The following LRRC4C variants were observed in gnomAD, a reference collection of about 807,000 sequenced individuals.
LRRC4C encodes leucine-rich repeat-containing protein 4C.
LRRC4C carries 5 observed loss-of-function variants against 33.6 expected under a neutral mutation model. The observed-to-expected ratio is 0.15, with a 90% confidence interval of 0.08 to 0.31. LRRC4C has a LOEUF of 0.31. Ranked by LOEUF, LRRC4C falls within the 10% of genes least tolerant of loss-of-function variation. The probability of loss-of-function intolerance (pLI) is 1.00; values close to 1 mark genes in which losing one functional copy is unlikely to be tolerated. For synonymous variants in LRRC4C, 329 were observed against 302.0 expected (o/e 1.09, Z -0.93); for missense variants, 560 against 796.7 (o/e 0.70, Z 3.58).
intron 1 of LRRC4C, among the ~76,000 whole-genome samples, chr11:40,979,700 T>C (rs186416789): frequency 1.2e-4 from 18 of 152,308 alleles, no homozygotes; most frequent in Admixed American, 1.2e-3. Flanking sequence ...AAATCAAAGA[T>C]AAACGAAAAT....
intron 6 of LRRC4C, among the ~76,000 whole-genome samples, chr11:40,121,945 C>T (rs1855856640): frequency 6.6e-6 from 1 of 152,154 alleles, no homozygotes; most frequent in East Asian, 1.9e-4. Flanking sequence ...TTCCAAACCA[C>T]ACCTTACCAT....
At chr11:40,226,635 T>C (rs188591867) in intron 5 of LRRC4C, among the ~76,000 whole-genome samples, 140 of 152,300 alleles carry the variant, frequency 9.2e-4, no homozygotes, top group Middle Eastern at 3.4e-3. Context: ...GAGGCCATCT[T>C]ACATGTTGCA....
intron 3 of LRRC4C, among the ~76,000 whole-genome samples, chr11:40,345,927 G>A (rs1359599346): frequency 6.6e-6 from 1 of 152,034 alleles, no homozygotes; most frequent in African/African-American, 2.4e-5. Context: ...ACATACATGA[G>A]GCCAATGAGC....
intron 2 of LRRC4C, among the ~76,000 whole-genome samples, chr11:40,752,282 A>G (rs760044397): frequency 1.3e-5 from 2 of 152,128 alleles, no homozygotes; most frequent in Non-Finnish European, 2.9e-5. Flanking sequence ...CTACACAGCA[A>G]AGGAAACAAT....
chr11:40,940,505 T>C (rs904632238), intron 1 of LRRC4C, among the ~76,000 whole-genome samples: 3 of 152,158 alleles, frequency 2.0e-5, no homozygotes, highest in Non-Finnish European at 4.4e-5. Flanking sequence ...CTAACCACTT[T>C]CTCTTTGGAT....
chr11:40,884,541 G>A (rs577818051), intron 2 of LRRC4C, among the ~76,000 whole-genome samples: 9 of 152,162 alleles, frequency 5.9e-5, no homozygotes, highest in African/African-American at 1.7e-4. Context: ...CAGTGTAAAA[G>A]CATTGATGCA....
At chr11:40,844,389 G>C (rs568122711) in intron 2 of LRRC4C, among the ~76,000 whole-genome samples, 23 of 152,140 alleles carry the variant, frequency 1.5e-4, no homozygotes, top group Non-Finnish European at 2.5e-4. Context: ...AATTTGGCTA[G>C]TAAGTCAAAA....
At chr11:40,594,421 T>A (rs1463697608) in intron 3 of LRRC4C, among the ~76,000 whole-genome samples, 1 of 152,218 alleles carries the variant, frequency 6.6e-6, no homozygotes, top group Admixed American at 6.5e-5. Flanking sequence ...CAAGCTTTCA[T>A]TTGATTCCAG....
chr11:40,189,906 CAACTAGCCTTTGTTCTACCTGGG>C (rs1352086891), intron 5 of LRRC4C, among the ~76,000 whole-genome samples: 3 of 152,294 alleles, frequency 2.0e-5, no homozygotes, highest in Non-Finnish European at 4.4e-5. Context: ...TTATTTATAA[CAACTAGCCTTTGTTCTACCTGGG>C]AACTGCCTAT....
chr11:40,988,771 C>T (rs1426673817), intron 1 of LRRC4C, among the ~76,000 whole-genome samples: 1 of 132,334 alleles, frequency 7.6e-6, no homozygotes, highest in African/African-American at 2.9e-5. Context: ...GGCTGGAGTG[C>T]AGTGGGGAGA....
intron 2 of LRRC4C, among the ~76,000 whole-genome samples, chr11:40,810,766 G>A (rs1162628056): frequency 6.6e-6 from 1 of 151,862 alleles, no homozygotes; most frequent in Non-Finnish European, 1.5e-5. Context: ...TTTTGGTTTG[G>A]TGCCCAAAAT....
chr11:40,801,502 T>C (rs1021251199), intron 2 of LRRC4C, among the ~76,000 whole-genome samples: 1 of 152,198 alleles, frequency 6.6e-6, no homozygotes, highest in Non-Finnish European at 1.5e-5. Flanking sequence ...TTTACCCCCA[T>C]GTGGGCATGG....
In LRRC4C at chr11:41,363,686, T is replaced by G. The variant is rs184594367; in HGVS notation, c.-496+95745A>C. 3.3e-5 allele frequency among the ~76,000 whole-genome samples: 5 copies of G among 152,296 alleles called. No individual in the cohort carries two copies. The East Asian group carries it at 9.7e-4, about 29-fold the overall frequency. ...AAAGAAGAATAAAGTAAATTAGATA[T>G]TTTTTGGCATTCCTTGATTGATGTT... is the stretch of plus-strand genomic sequence containing the variant. On this transcript the variant is annotated intron_variant, in intron 1 of 6. Coordinates refer to ENST00000528697, the MANE Select transcript of LRRC4C (RefSeq NM_001258419.2).
rs533369097 is a variant in LRRC4C, at chr11:41,246,977, C to A, written c.-496+212454G>T. ...TCATCTCTGAAAATGCCACTTACTG[C>A]AAATTTGGACATCTTTCCACCCCAC... On this transcript the variant is annotated intron_variant, in intron 1 of 6. Coordinates refer to ENST00000528697, the MANE Select transcript of LRRC4C (RefSeq NM_001258419.2). Among the ~76,000 whole-genome samples, 5 of 152,316 alleles carry A rather than the reference C, an allele frequency of 3.3e-5. No homozygotes were observed. The East Asian group carries it at 7.7e-4, about 24-fold the overall frequency.
intron 1 of LRRC4C, among the ~76,000 whole-genome samples, chr11:41,158,536 G>T (rs1465762551): frequency 6.6e-6 from 1 of 152,148 alleles, no homozygotes. Context: ...CTCAGCCACC[G>T]CTCCTTCTTC....
chr11:41,204,029 T>G (rs1417567968), intron 1 of LRRC4C, among the ~76,000 whole-genome samples: 2 of 152,198 alleles, frequency 1.3e-5, no homozygotes, highest in African/African-American at 4.8e-5. Flanking sequence ...TCATTTTTTT[T>G]TCTCCAGATT....
At chr11:41,234,056 T>C (rs1054536091) in intron 1 of LRRC4C, among the ~76,000 whole-genome samples, 4 of 151,768 alleles carry the variant, frequency 2.6e-5, no homozygotes, top group African/African-American at 9.7e-5. Flanking sequence ...CAAAATGTCC[T>C]ATACTTGTCC....
intron 5 of LRRC4C, among the ~76,000 whole-genome samples, chr11:40,179,796 A>T (rs1288440277): frequency 3.3e-5 from 5 of 152,186 alleles, no homozygotes; most frequent in Non-Finnish European, 7.3e-5. Flanking sequence ...GAAGATGAAC[A>T]TGTTATAATT....
intron 3 of LRRC4C, among the ~76,000 whole-genome samples, chr11:40,596,362 T>A (rs12224619): frequency 0.24 from 36,528 of 151,992 alleles, 4,767 homozygotes; most frequent in East Asian, 0.5. Context: ...TACACATGAC[T>A]TTTTGGTACA....
Sources: allele counts gnomAD v4.1 joint callset (sites outside exome capture counted in the v4.1 genomes callset), GRCh38; gene constraint gnomAD v4.1.1; transcripts MANE v1.5; gene names NCBI Gene and HGNC (gene_info 2026-07-23, HGNC 2026-07-21).